The following SNTB1 variants were observed in gnomAD, a reference collection of about 807,000 sequenced individuals.
The protein encoded by SNTB1 is syntrophin beta 1.
In SNTB1, 36 loss-of-function variants were observed where a neutral mutation model predicts 48.9. The observed-to-expected ratio is 0.74, with a 90% CI of 0.56 to 0.97. The LOEUF (loss-of-function observed/expected upper bound fraction) is 0.97, where lower values mean the gene tolerates loss of function less well. Among genes scored for constraint, SNTB1 ranks in the 50% least tolerant of loss-of-function variants. The pLI, the probability that SNTB1 is intolerant of heterozygous loss-of-function variation, is 0.00. For missense variants in SNTB1, 786 were observed against 703.4 expected (o/e 1.12, Z -1.33); for synonymous variants, 299 against 294.6 (o/e 1.01, Z -0.15).
At chr8:120,757,668 CCTT>C (rs1202899036) in intron 1 of SNTB1, among the ~76,000 whole-genome samples, 1 of 152,160 alleles carries the variant, frequency 6.6e-6, no homozygotes, top group East Asian at 1.9e-4. Flanking sequence ...ACAAGTCTTC[CCTT>C]CTTCTGTGAA....
intron 1 of SNTB1, among the ~76,000 whole-genome samples, chr8:120,739,925 TG>T (rs1819016652): frequency 6.6e-6 from 1 of 152,156 alleles, no homozygotes; most frequent in Non-Finnish European, 1.5e-5. Flanking sequence ...ACAAAGTTAA[TG>T]GAAGAGTCAG....
chr8:120,645,051 T>G (rs1817264054), intron 2 of SNTB1, among the ~76,000 whole-genome samples: 1 of 148,434 alleles, frequency 6.7e-6, no homozygotes, highest in Non-Finnish European at 1.5e-5. Context: ...TCATTGTAGA[T>G]TCTGGATATT....
chr8:120,590,229 C>T (rs1187581491), intron 3 of SNTB1, among the ~76,000 whole-genome samples: 1 of 152,162 alleles, frequency 6.6e-6, no homozygotes, highest in Non-Finnish European at 1.5e-5. Context: ...TGTGGGGCGA[C>T]ATGCTTTGTT....
At chr8:120,542,078 G>T in intron 5 of SNTB1, 78 bp from the exon 6 acceptor site, 3 of 1,110,822 alleles carry the variant, frequency 2.7e-6, no homozygotes, top group South Asian at 3.2e-5. Flanking sequence ...CTCACTTCTT[G>T]CCTCCTCAGT....
intron 2 of SNTB1, among the ~76,000 whole-genome samples, chr8:120,678,885 T>C (rs182943859): frequency 2.0e-5 from 3 of 152,336 alleles, no homozygotes; most frequent in Admixed American, 1.3e-4. Flanking sequence ...CCCTCACCTC[T>C]GGCTTCCAAT....
At chr8:120,592,777 T>C (rs912922042) in intron 3 of SNTB1, among the ~76,000 whole-genome samples, 2 of 152,216 alleles carry the variant, frequency 1.3e-5, no homozygotes, top group Non-Finnish European at 2.9e-5. Context: ...AAGAGCTCTG[T>C]TGAGTCAGTT....
At chr8:120,720,542 G>A (rs532173085) in intron 1 of SNTB1, among the ~76,000 whole-genome samples, 3 of 152,246 alleles carry the variant, frequency 2.0e-5, no homozygotes, top group East Asian at 3.9e-4. Context: ...TCAAATTACC[G>A]GCTTTCCCTT....
chr8:120,622,616 G>A (rs1171965017), intron 3 of SNTB1, among the ~76,000 whole-genome samples: 1 of 152,128 alleles, frequency 6.6e-6, no homozygotes, highest in Admixed American at 6.5e-5. Context: ...ATGCCAATGT[G>A]AGTTATCAGA....
intron 4 of SNTB1, among the ~76,000 whole-genome samples, chr8:120,561,284 C>A (rs1815652232): frequency 7.3e-6 from 1 of 137,744 alleles, no homozygotes. Flanking sequence ...TGCACCACTG[C>A]ACTCCAGCCT....
At chr8:120,669,674 G>A (rs1420425734) in intron 2 of SNTB1, among the ~76,000 whole-genome samples, 3 of 38,028 alleles carry the variant, frequency 7.9e-5, no homozygotes, top group East Asian at 4.5e-4. Flanking sequence ...GGATGGTCTC[G>A]ATCTCCTGAC....
intron 2 of SNTB1, among the ~76,000 whole-genome samples, chr8:120,674,942 G>C (rs1271954180): frequency 1.3e-5 from 2 of 152,168 alleles, no homozygotes; most frequent in Non-Finnish European, 2.9e-5. Context: ...GCAGAATTTG[G>C]TTATGCTACA....
intron 1 of SNTB1, among the ~76,000 whole-genome samples, chr8:120,745,996 C>T (rs1271253144): frequency 6.6e-6 from 1 of 152,198 alleles, no homozygotes; most frequent in Non-Finnish European, 1.5e-5. Flanking sequence ...TCCAATCCAC[C>T]TGTGTTTGTA....
At chr8:120,763,511 G>C (rs185098742) in intron 1 of SNTB1, among the ~76,000 whole-genome samples, 2 of 152,268 alleles carry the variant, frequency 1.3e-5, no homozygotes, top group East Asian at 3.9e-4. Context: ...ATCTTAATGT[G>C]AGATATTAAA....
intron 2 of SNTB1, among the ~76,000 whole-genome samples, chr8:120,651,005 A>G (rs1817403481): frequency 6.6e-6 from 1 of 152,244 alleles, no homozygotes; most frequent in Non-Finnish European, 1.5e-5. Context: ...ATGCCTCAAT[A>G]TACTTGTCTA....
intron 2 of SNTB1, among the ~76,000 whole-genome samples, chr8:120,671,072 C>T (rs1179793379): frequency 6.6e-6 from 1 of 152,170 alleles, no homozygotes; most frequent in Admixed American, 6.5e-5. Flanking sequence ...ATTACACTTG[C>T]CTAGAAAACC....
At chr8:120,805,328 G>A (rs1437713908) in intron 1 of SNTB1, among the ~76,000 whole-genome samples, 1 of 152,144 alleles carries the variant, frequency 6.6e-6, no homozygotes, top group African/African-American at 2.4e-5. Context: ...TGGAATTAAG[G>A]TTGCTAATGA....
chr8:120,567,591 T>G (rs1341958628), intron 4 of SNTB1, among the ~76,000 whole-genome samples: 3 of 151,944 alleles, frequency 2.0e-5, no homozygotes, highest in African/African-American at 7.3e-5. Context: ...TGGCTAATTG[T>G]TTTTTATTTT....
chr8:120,682,382 CACCAGGCAGT>C (rs144678623), intron 2 of SNTB1, among the ~76,000 whole-genome samples: 6,282 of 152,136 alleles, frequency 0.041, 423 homozygotes, highest in African/African-American at 0.14. Flanking sequence ...TTATGAGTGC[CACCAGGCAGT>C]ACTTCTTTAC....
intron 2 of SNTB1, among the ~76,000 whole-genome samples, chr8:120,671,245 TG>T (rs1817752883): frequency 6.6e-6 from 1 of 152,198 alleles, no homozygotes; most frequent in African/African-American, 2.4e-5. Flanking sequence ...CCTGCAATAA[TG>T]GGTTGAATAG....
Sources: allele counts gnomAD v4.1 joint callset (sites outside exome capture counted in the v4.1 genomes callset), GRCh38; gene constraint gnomAD v4.1.1; transcripts MANE v1.5; gene names NCBI Gene and HGNC (gene_info 2026-07-23, HGNC 2026-07-21).